PLOD2: variants seen among roughly 807,000 people sequenced by gnomAD.
PLOD2 encodes the protein lysine hydroxylase 2.
A neutral mutation model predicts 101.0 loss-of-function variants in PLOD2; 65 were observed. The observed-to-expected ratio is 0.64, with a 90% confidence interval of 0.53 to 0.79. The LOEUF (loss-of-function observed/expected upper bound fraction) is 0.79. Ranked by LOEUF, PLOD2 falls within the 30% of genes least tolerant of loss-of-function variation. PLOD2 has a pLI of 0.00. For synonymous variants in PLOD2, 314 were observed against 302.9 expected (o/e 1.04, Z -0.38); for missense variants, 909 against 914.6 (o/e 0.99, Z 0.08).
Position 146,091,804 on chromosome 3 carries a change from A to G in PLOD2, c.875T>C (p.Val292Ala). ...CEFDTVDLSA[V>A]DVHPNVSIGV... is the part of the protein sequence containing the mutation. ...CACATAATCAATTCCACTTACATCT[A>G]CTGCAGACAAGTCGACTGTATCGAA... Residue 292 changes from valine to alanine, a missense_variant, in exon 8 of 20, where the codon GTA (valine) becomes GCA (alanine). Transcript: ENST00000282903. 2 of 1,530,488 alleles carry G rather than the reference A, an allele frequency of 1.3e-6. No homozygotes were observed. The highest frequency in any genetic ancestry group is 1.8e-6 in the Non-Finnish European group (2 of 1,103,956). The allele number at this position is 1,530,488 out of a possible 1,614,324, so 94.8% of individuals were successfully genotyped here. A position where few individuals can be genotyped will look rare whatever the true frequency, so the allele number is the denominator to read the frequency against.
In PLOD2 at chr3:146,078,299, C is replaced by A. The variant is rs188574330; in HGVS notation, c.1501-375G>T. ...TACTATCACAAGTACTGAGGATATT[C>A]AATAATAATGCACACAGGTTTGTAG... On this transcript the variant is annotated intron_variant, in intron 13 of 19. Transcript: ENST00000282903. 6.4e-3 allele frequency among the ~76,000 whole-genome samples: 967 copies of A among 151,800 alleles called. 9 individuals carry two copies. The highest frequency in any genetic ancestry group is 0.012 in the Non-Finnish European group (800 of 67,788).
At position 146,086,791 on chromosome 3, in the gene PLOD2, C is replaced by T; in HGVS notation, c.1123G>A (p.Gly375Arg). ...NLSQAEARNMGMDFCRQDEKC... is the reference protein window; with the variant it reads ...NLSQAEARNMRMDFCRQDEKC... Reference sequence around the variant, plus strand: ...TTTTAATTTATTAAAACATACATTCCCATGTTTCTGGCTTCCGCTTGACTT... The same window carrying T: ...TTTTAATTTATTAAAACATACATTCTCATGTTTCTGGCTTCCGCTTGACTT... The change falls in exon 10 of 20, where the codon GGA (glycine) becomes AGA (arginine). Residue 375 changes from glycine (G) to arginine (R), a missense_variant. By Grantham distance (125) the Gly-to-Arg change is moderately radical. Coordinates refer to ENST00000282903, the MANE Select transcript of PLOD2 (RefSeq NM_182943.3). 6.9e-7 allele frequency: 1 copy of T among 1,458,646 alleles called. No homozygotes were observed. Among genetic ancestry groups the T allele is most frequent in the Non-Finnish European group, 9.3e-7 (1 of 1,077,378 alleles). The allele number at this position is 1,458,646 out of a possible 1,614,324, so 90.4% of individuals were successfully genotyped here.
chr3:146,092,074 T>C lies in PLOD2; in HGVS notation c.778-173A>G, dbSNP rs140909717. ...TGAATAGTCTTCTCCAGAATATGAATTGTAAAGCAGGACAAAGTATGTCTA... is the reference window on the plus strand; with the variant it reads ...TGAATAGTCTTCTCCAGAATATGAACTGTAAAGCAGGACAAAGTATGTCTA... On this transcript the variant is annotated intron_variant, in intron 7 of 19. Transcript: ENST00000282903. 1.1e-4 allele frequency among the ~76,000 whole-genome samples: 17 copies of C among 151,262 alleles called. No homozygotes were observed. In the South Asian group the frequency reaches 1.7e-3, roughly 15 times the overall value.
intron 8 of PLOD2, among the ~76,000 whole-genome samples, chr3:146,091,493 A>AT (rs757422052): frequency 1.3e-5 from 2 of 151,902 alleles, no homozygotes; most frequent in African/African-American, 2.4e-5. Flanking sequence ...CCTTGTAATG[A>AT]TTTTTTCTCA....
chr3:146,076,987 A>G, intron 14 of PLOD2, 92 bp from the exon 15 acceptor site: 1 of 1,196,078 alleles, frequency 8.4e-7, no homozygotes, highest in Non-Finnish European at 1.1e-6. Flanking sequence ...ATTAATTTCT[A>G]TCTTTATATT....
chr3:146,076,997 T>G, intron 14 of PLOD2, 102 bp from the exon 15 acceptor site: 1 of 1,270,374 alleles, frequency 7.9e-7, no homozygotes, highest in Non-Finnish European at 1.1e-6. Flanking sequence ...ATCTTTATAT[T>G]TCATTTATGA....
chr3:146,123,285 CTCT>C lies in PLOD2; in HGVS notation c.201+850_201+852del, dbSNP rs1190308904. On this transcript the variant is annotated intron_variant, in intron 2 of 19. Coordinates refer to ENST00000282903, the MANE Select transcript of PLOD2 (RefSeq NM_182943.3). ...CCTACCTAGGTATCTCCTTGTTCTC[CTCT>C]TATTTGTAGAAAAGACTTGGCTGAC... 6 of 1,171,762 alleles carry C rather than the reference CTCT, an allele frequency of 5.1e-6. No homozygotes were observed. The African/African-American group carries it at 9.9e-5, about 19-fold the overall frequency. 72.6% of individuals were successfully genotyped at this position (1,171,762 alleles called of 1,614,324 possible).
intron 1 of PLOD2, among the ~76,000 whole-genome samples, chr3:146,142,129 G>A (rs2031553151): frequency 6.6e-6 from 1 of 152,022 alleles, no homozygotes; most frequent in East Asian, 1.9e-4. Flanking sequence ...CTTTCAAAAA[G>A]ATGAGAAAAG....
In PLOD2 at chr3:146,161,141, C is replaced by T. The variant is rs2032565809; in HGVS notation, c.-152G>A. Reference sequence around the variant, plus strand: ...CGCGCGGCCGGCAGCCGGAGCGGCGCGTAACGCAGCTGAGTGAGGTCGTCG... The same window carrying T: ...CGCGCGGCCGGCAGCCGGAGCGGCGTGTAACGCAGCTGAGTGAGGTCGTCG... On this transcript the variant is annotated 5_prime_UTR_variant, in exon 1 of 20. Coordinates refer to ENST00000282903, the MANE Select transcript of PLOD2 (RefSeq NM_182943.3). The T allele has an allele frequency of 2.3e-6, 1 of 431,774 alleles. No individual in the cohort carries two copies. 26.7% of individuals were successfully genotyped at this position (431,774 alleles called of 1,614,324 possible). A position where few individuals can be genotyped will look rare whatever the true frequency, so the allele number is the denominator to read the frequency against.
In PLOD2 at chr3:146,077,992, T is replaced by C. The variant is rs1936404999; in HGVS notation, c.1501-68A>G. The C allele has an allele frequency of 1.4e-5, 12 of 860,076 alleles. No homozygotes were observed. The East Asian group carries it at 2.9e-4, about 21-fold the overall frequency. 53.3% of individuals were successfully genotyped at this position (860,076 alleles called of 1,614,324 possible). ...GCTCTCTCAGGTATTCTTTGGTAAA[T>C]AAAAATAATAGCAGCTGTTGATCAA... is the stretch of plus-strand genomic sequence containing the variant. On this transcript the variant is annotated intron_variant, in intron 13 of 19. Coordinates refer to ENST00000282903, the MANE Select transcript of PLOD2 (RefSeq NM_182943.3).
intron 1 of PLOD2, among the ~76,000 whole-genome samples, chr3:146,136,421 A>G (rs150310957): frequency 6.6e-6 from 1 of 152,300 alleles, no homozygotes; most frequent in Non-Finnish European, 1.5e-5. Context: ...CGAAAACTTT[A>G]CTTCTTGCAT....
intron 1 of PLOD2, among the ~76,000 whole-genome samples, chr3:146,158,908 C>G (rs2032430432): frequency 6.6e-6 from 1 of 152,142 alleles, no homozygotes; most frequent in South Asian, 2.1e-4. Flanking sequence ...AACTATTAAG[C>G]TAGACAATTT....
chr3:146,126,843 A>G (rs1416059220), intron 1 of PLOD2, among the ~76,000 whole-genome samples: 2 of 152,192 alleles, frequency 1.3e-5, no homozygotes, highest in Admixed American at 6.5e-5. Context: ...AAGAGTCCTT[A>G]TAATTTAGAG....
In PLOD2 at chr3:146,115,146, G is replaced by A. The variant is rs376522649; in HGVS notation, c.339-4698C>T. Among the ~76,000 whole-genome samples, 176 of 152,082 alleles carry A rather than the reference G, an allele frequency of 1.2e-3. 2 individuals are homozygous for A. The East Asian group carries it at 0.02, about 17-fold the overall frequency. On this transcript the variant is annotated intron_variant, in intron 3 of 19. Coordinates refer to ENST00000282903, the MANE Select transcript of PLOD2 (RefSeq NM_182943.3). ...ACTCTTTCCCTTTATTTCTCAGACC[G>A]GCCAACACTTAGGGAAATAGGAAAG...
chr3:146,134,334 CTTGGAAAACACA>C (rs996298281), intron 1 of PLOD2, among the ~76,000 whole-genome samples: 18 of 152,144 alleles, frequency 1.2e-4, no homozygotes. Flanking sequence ...GAATTTATGA[CTTGGAAAACACA>C]TTTGATCCCT....
At chr3:146,120,649 C>G (rs2030055092) in intron 3 of PLOD2, among the ~76,000 whole-genome samples, 1 of 152,180 alleles carries the variant, frequency 6.6e-6, no homozygotes, top group Non-Finnish European at 1.5e-5. Flanking sequence ...AGCTTCTGCA[C>G]AGCAAAAGAA....
At chr3:146,144,782 G>A (rs2031695978) in intron 1 of PLOD2, among the ~76,000 whole-genome samples, 3 of 151,974 alleles carry the variant, frequency 2.0e-5, no homozygotes, top group Admixed American at 2.0e-4. Context: ...ATACAAAACT[G>A]TGGCTTTATT....
intron 5 of PLOD2, among the ~76,000 whole-genome samples, chr3:146,105,434 C>T (rs1253630406): frequency 6.6e-6 from 1 of 152,176 alleles, no homozygotes; most frequent in Non-Finnish European, 1.5e-5. Flanking sequence ...CAGGCTCTAT[C>T]CACTCTGGGC....
intron 6 of PLOD2, among the ~76,000 whole-genome samples, chr3:146,103,451 A>C (rs908836636): frequency 6.0e-5 from 9 of 150,858 alleles, no homozygotes; most frequent in Non-Finnish European, 1.2e-4. Context: ...AACATTTTGC[A>C]TTGTGGGAAT....
Sources: gnomAD v4.1 joint callset for allele counts (sites outside exome capture counted in the v4.1 genomes callset) on GRCh38, gnomAD v4.1.1 for gene constraint, MANE v1.5 for transcripts, NCBI Gene and HGNC (gene_info 2026-07-23, HGNC 2026-07-21) for gene names.